ACOT9: variants seen among roughly 807,000 people sequenced by gnomAD.
The protein encoded by ACOT9 is acyl-coenzyme A thioesterase 9, mitochondrial.
ACOT9 carries 34 observed loss-of-function variants against 39.7 expected under a neutral mutation model. The ratio of observed to expected loss-of-function variants is 0.86; its 90% CI spans 0.65 to 1.14. ACOT9 has a LOEUF of 1.14. Among genes scored for constraint, ACOT9 ranks in the 50% most tolerant of loss-of-function variants. ACOT9 has a pLI of 0.00. For synonymous variants in ACOT9, 110 were observed against 120.5 expected (o/e 0.91, Z 0.57); for missense variants, 313 against 344.1 (o/e 0.91, Z 0.71).
rs763877969 is a variant in ACOT9 at position 23,704,091 on chromosome X, C to T, written c.1259-109G>A. 1.3e-3 allele frequency: 778 copies of T among 602,763 alleles called. 9 individuals are homozygous for T. In the South Asian group the frequency reaches 0.021, roughly 16 times the overall value. The allele number at this position is 602,763 out of a possible 1,213,427, so 49.7% of individuals were successfully genotyped here. On this transcript the variant is annotated intron_variant, in intron 15 of 15. Coordinates refer to ENST00000379303, the MANE Select transcript of ACOT9 (RefSeq NM_001037171.2). ...GGGAACACTGGGACAGAACAAGATA[C>T]ACTGTTGGGCCGGGGTGTGCCACAT... is the stretch of plus-strand genomic sequence containing the variant.
intron 1 of ACOT9, among the ~76,000 whole-genome samples, chrX:23,739,824 C>T (rs1388350741): frequency 1.8e-5 from 2 of 110,150 alleles, no homozygotes; most frequent in Non-Finnish European, 3.8e-5. Context: ...TAGCCTAAGC[C>T]AGGCACTATC....
At chrX:23,707,672 G>A in intron 10 of ACOT9, 2 of 281,010 alleles carry the variant, frequency 7.1e-6, no homozygotes, top group Admixed American at 6.1e-5. Flanking sequence ...AGGAGGCAGA[G>A]GTTGCAGTGA....
At position 23,716,537 on chromosome X, in the gene ACOT9, C is replaced by A. The variant is rs778682043; in HGVS notation, c.589-3329G>T. Among the ~76,000 whole-genome samples the A allele has an allele frequency of 3.6e-5, 4 of 111,871 alleles. No homozygotes were observed. The South Asian group carries it at 1.5e-3, about 41-fold the overall frequency. On this transcript the variant is annotated intron_variant, in intron 8 of 15. Coordinates refer to ENST00000379303, the MANE Select transcript of ACOT9 (RefSeq NM_001037171.2). ...TACCCACTAGTGCCAAGCACTAGAA[C>A]GCAAACATGAATAACTCCCTATTCT...
intron 1 of ACOT9, among the ~76,000 whole-genome samples, chrX:23,741,547 T>C (rs1920964459): frequency 9.0e-6 from 1 of 111,262 alleles, no homozygotes; most frequent in South Asian, 3.7e-4. Flanking sequence ...CAAAGGTGCC[T>C]CTTGCAAGTC....
At chrX:23,732,626 T>G (rs1160106589) in intron 4 of ACOT9, among the ~76,000 whole-genome samples, 1 of 111,662 alleles carries the variant, frequency 9.0e-6, no homozygotes, top group African/African-American at 3.3e-5. Flanking sequence ...ATCACTCGTG[T>G]TTTTTCTATC....
At chrX:23,726,942 C>T (rs776162229) in intron 6 of ACOT9, among the ~76,000 whole-genome samples, 17 of 110,002 alleles carry the variant, frequency 1.5e-4, no homozygotes, top group Non-Finnish European at 2.7e-4. Context: ...GCCTCAGCCT[C>T]CCGAGTAGCT....
rs1929713192 is a variant in ACOT9, at chrX:23,730,858, G to C, written c.320C>G (p.Pro107Arg). ...IEVLLPLGSEPELREKYLTVQ... is the reference protein window; with the variant it reads ...IEVLLPLGSERELREKYLTVQ... Reference sequence around the variant, plus strand: ...AGTCAAATATTTCTCTCGTAATTCAGGCTCACTGCCCAAAGGCAAGAGAAC... The same window carrying C: ...AGTCAAATATTTCTCTCGTAATTCACGCTCACTGCCCAAAGGCAAGAGAAC... Residue 107 changes from proline to arginine, a missense_variant, in exon 5 of 16, where the codon CCT becomes CGT. Transcript: ENST00000379303. 3.3e-6 allele frequency: 4 copies of C among 1,210,499 alleles called. No individual in the cohort carries two copies. The East Asian group carries it at 1.2e-4, about 36-fold the overall frequency.
intron 9 of ACOT9, among the ~76,000 whole-genome samples, chrX:23,711,252 A>G (rs1928885580): frequency 9.2e-6 from 1 of 109,130 alleles, no homozygotes; most frequent in Non-Finnish European, 1.9e-5. Context: ...AACCCAGGAG[A>G]CAGAGGCTGC....
In ACOT9 at chrX:23,707,660, C is replaced by G. The variant is rs184240256; in HGVS notation, c.730+217G>C. 5.0e-3 allele frequency: 1,259 copies of G among 252,907 alleles called. 15 individuals are homozygous for G. The highest frequency in any genetic ancestry group is 0.033 in the African/African-American group (1,139 of 34,007). The allele number at this position is 252,907 out of a possible 1,213,427, so 20.8% of individuals were successfully genotyped here. Reference sequence around the variant, plus strand: ...GCTGGGGCAGAAGAATCACTTGAACCCAGGAGGCAGAGGTTGCAGTGAGCC... The same window carrying G: ...GCTGGGGCAGAAGAATCACTTGAACGCAGGAGGCAGAGGTTGCAGTGAGCC... On this transcript the variant is annotated intron_variant, in intron 10 of 15. Coordinates refer to ENST00000379303, the MANE Select transcript of ACOT9 (RefSeq NM_001037171.2).
At chrX:23,742,538 G>A in intron 1 of ACOT9, among the ~76,000 whole-genome samples, 1 of 110,901 alleles carries the variant, frequency 9.0e-6, no homozygotes, top group Middle Eastern at 4.7e-3. Context: ...TTACCCACGT[G>A]GCCCAATCAA....
intron 3 of ACOT9, among the ~76,000 whole-genome samples, chrX:23,733,495 C>A (rs1314811394): frequency 8.9e-6 from 1 of 111,979 alleles, no homozygotes; most frequent in Non-Finnish European, 1.9e-5. Context: ...AGGATAACTT[C>A]AATTATTCAC....
In ACOT9 at chrX:23,718,905, CAAAAAAAAA is replaced by C. The variant is rs35558833; in HGVS notation, c.588+2967_588+2975del. ...TGGGTGACAGAGCAAGACTCCGTCT[CAAAAAAAAA>C]AAAAAAAAAAAAAAGACTGTAGGCA... On this transcript the variant is annotated intron_variant, in intron 8 of 15. Transcript: ENST00000379303. Among the ~76,000 whole-genome samples, 36 of 37,861 alleles carry C rather than the reference CAAAAAAAAA, an allele frequency of 9.5e-4. 1 individual carries two copies. The highest frequency in any genetic ancestry group is 3.8e-3 in the African/African-American group (33 of 8,794). The allele number at this position is 37,861 out of a possible 115,157, so 32.9% of individuals were successfully genotyped here. A position where few individuals can be genotyped will look rare whatever the true frequency, so the allele number is the denominator to read the frequency against.
chrX:23,724,047 G>C (rs1356026055), intron 6 of ACOT9, among the ~76,000 whole-genome samples: 1 of 111,605 alleles, frequency 9.0e-6, no homozygotes, highest in Non-Finnish European at 1.9e-5. Flanking sequence ...AAGATCACTT[G>C]AGCCTAGGAG....
chrX:23,732,204 A>C (rs1195976950), intron 4 of ACOT9, among the ~76,000 whole-genome samples: 1 of 112,444 alleles, frequency 8.9e-6, no homozygotes, highest in African/African-American at 3.2e-5. Flanking sequence ...GATGTTTTTT[A>C]AACAGCTATA....
chrX:23,701,998 G>A lies in ACOT9; in HGVS notation c.*1896C>T, dbSNP rs1036029707. 2.8e-5 allele frequency among the ~76,000 whole-genome samples: 3 copies of A among 108,361 alleles called. No individual in the cohort carries two copies. Among genetic ancestry groups the A allele is most frequent in the Non-Finnish European group, 3.8e-5 (2 of 52,144 alleles). The allele number at this position is 108,361 out of a possible 115,157, so 94.1% of individuals were successfully genotyped here. ...TGAGGCAGGAGAATCGCTTGAACCC[G>A]GGAGGTAGAGGTTGCAGTGAGCCAA... is the stretch of plus-strand genomic sequence containing the variant. On this transcript the variant is annotated 3_prime_UTR_variant, in exon 16 of 16. Coordinates refer to ENST00000379303, the MANE Select transcript of ACOT9 (RefSeq NM_001037171.2).
rs781738370 is a variant in ACOT9 at position 23,722,850 on chromosome X, G to A, written c.401-97C>T. 6.5e-4 allele frequency: 328 copies of A among 507,962 alleles called. 2 individuals carry two copies. The highest frequency in any genetic ancestry group is 6.1e-3 in the African/African-American group (254 of 41,473). The allele number at this position is 507,962 out of a possible 1,213,427, so 41.9% of individuals were successfully genotyped here. On this transcript the variant is annotated intron_variant, in intron 6 of 15. Coordinates refer to ENST00000379303, the MANE Select transcript of ACOT9 (RefSeq NM_001037171.2). ...TGAGATCCATGAAAAGCCTTGTCTC[G>A]CTTGGAAGATCCAGCCCCTAATATT...
chrX:23,718,675 G>A (rs1929172436), intron 8 of ACOT9, among the ~76,000 whole-genome samples: 1 of 110,222 alleles, frequency 9.1e-6, no homozygotes, highest in Non-Finnish European at 1.9e-5. Context: ...GGAGGCCGAG[G>A]CAGGCGGATC....
chrX:23,720,048 T>C (rs187988988), intron 8 of ACOT9, among the ~76,000 whole-genome samples: 187 of 112,224 alleles, frequency 1.7e-3, no homozygotes, highest in African/African-American at 5.6e-3. Flanking sequence ...TTAGCCAGGA[T>C]GGTCTCGATC....
intron 8 of ACOT9, among the ~76,000 whole-genome samples, chrX:23,715,662 C>T (rs960238669): frequency 9.0e-6 from 1 of 111,636 alleles, no homozygotes; most frequent in African/African-American, 3.3e-5. Context: ...TTGAAAAATA[C>T]TGCATAACGA....
Sources: allele counts gnomAD v4.1 joint callset (sites outside exome capture counted in the v4.1 genomes callset), GRCh38; gene constraint gnomAD v4.1.1; transcripts MANE v1.5; gene names NCBI Gene and HGNC (gene_info 2026-07-23, HGNC 2026-07-21).